ABI3BP: variants seen among roughly 807,000 people sequenced by gnomAD.
ABI3BP encodes the protein target of Nesh-SH3.
Under a neutral mutation model 268.6 loss-of-function variants are expected in ABI3BP, and 216 were observed. That is an observed-to-expected ratio of 0.80 (90% CI 0.72 to 0.90). The LOEUF is 0.90. Among genes scored for constraint, ABI3BP ranks in the 40% least tolerant of loss-of-function variants. ABI3BP has a pLI of 0.00. For synonymous variants in ABI3BP, 730 were observed against 730.0 expected, an observed-to-expected ratio of 1.00 and a Z score of 0.00; for missense variants, 2,090 against 2,182.4, an observed-to-expected ratio of 0.96 and a Z score of 0.84.
Position 100,941,835 on chromosome 3 carries a change from C to A in ABI3BP, c.80-15354G>T, listed in dbSNP as rs141786453. Among the ~76,000 whole-genome samples the A allele has an allele frequency of 6.6e-3, 1,008 of 152,246 alleles. 4 individuals carry two copies. The highest frequency in any genetic ancestry group is 0.041 in the Middle Eastern group (12 of 294). On this transcript the variant is annotated intron_variant, in intron 1 of 67. Coordinates refer to ENST00000471714, the MANE Select transcript of ABI3BP (RefSeq NM_001375547.2). ...ACAGTCTCTCATTTTCAAGAAGACACCTCATTCTGAGACATACACAGGTGT... is the reference window on the plus strand; with the variant it reads ...ACAGTCTCTCATTTTCAAGAAGACAACTCATTCTGAGACATACACAGGTGT...
chr3:100,832,099 AG>A (rs1421575929), intron 31 of ABI3BP, among the ~76,000 whole-genome samples, 164 bp downstream of exon 31: 3 of 152,308 alleles, frequency 2.0e-5, no homozygotes, highest in Admixed American at 2.0e-4. Flanking sequence ...ATCCCTATAA[AG>A]GAAGCAAGAG....
At chr3:100,945,649 T>A (rs1431046559) in intron 1 of ABI3BP, 1 of 450,846 alleles carries the variant, frequency 2.2e-6, no homozygotes, top group East Asian at 7.1e-5. Context: ...CCATCCATGC[T>A]GTATCACTAG....
chr3:100,881,669 C>T lies in ABI3BP; in HGVS notation c.696+3867G>A, dbSNP rs114008329. ...CAAAAAAAAGAGTGTCCTAGATTCT[C>T]TAAATGGAAAAAAAAAGCACAAGCA... On this transcript the variant is annotated intron_variant, in intron 6 of 67. Transcript: ENST00000471714. 8.3e-3 allele frequency among the ~76,000 whole-genome samples: 623 copies of T among 74,860 alleles called. 2 individuals carry two copies. Among genetic ancestry groups the T allele is most frequent in the African/African-American group, 0.02 (599 of 30,574 alleles). 49.1% of individuals were successfully genotyped at this position (74,860 alleles called of 152,430 possible).
At chr3:100,785,932 G>A (rs2097027661) in intron 57 of ABI3BP, among the ~76,000 whole-genome samples, 1 of 152,108 alleles carries the variant, frequency 6.6e-6, no homozygotes, top group African/African-American at 2.4e-5. Flanking sequence ...CTGTTACATG[G>A]TGAATTACAC....
At chr3:100,888,512 T>G (rs903114918) in intron 4 of ABI3BP, among the ~76,000 whole-genome samples, 1 of 152,102 alleles carries the variant, frequency 6.6e-6, no homozygotes, top group Non-Finnish European at 1.5e-5. Context: ...ACAGAACTAC[T>G]GAAGGTCAGA....
At chr3:100,916,279 C>G (rs2058591453) in intron 2 of ABI3BP, among the ~76,000 whole-genome samples, 1 of 152,212 alleles carries the variant, frequency 6.6e-6, no homozygotes, top group Non-Finnish European at 1.5e-5. Flanking sequence ...GTCACATTAG[C>G]TCTCAGATAG....
At chr3:100,975,536 C>T (rs1470241131) in intron 1 of ABI3BP, among the ~76,000 whole-genome samples, 1 of 152,066 alleles carries the variant, frequency 6.6e-6, no homozygotes, top group East Asian at 1.9e-4. Flanking sequence ...TGGGACGATG[C>T]TTTTAGACCT....
chr3:100,750,651 A>G (rs762453222), intron 67 of ABI3BP, 41 bp from the exon 68 acceptor site: 1 of 1,486,502 alleles, frequency 6.7e-7, no homozygotes, highest in South Asian at 1.1e-5. Flanking sequence ...CTGCTGTATT[A>G]TATTTTTGCC....
At chr3:100,857,371 T>C (rs1308804014) in intron 14 of ABI3BP, among the ~76,000 whole-genome samples, 2 of 152,222 alleles carry the variant, frequency 1.3e-5, no homozygotes, top group African/African-American at 2.4e-5. Context: ...TTATACATTA[T>C]TTCTAAGACG....
chr3:100,902,522 C>G, intron 3 of ABI3BP, 96 bp downstream of exon 3: 2 of 1,103,812 alleles, frequency 1.8e-6, no homozygotes, highest in South Asian at 1.5e-5. Flanking sequence ...ATTCTTAAAG[C>G]TTCTCAAGGC....
chr3:100,801,742 A>C (rs1435076169), intron 51 of ABI3BP, among the ~76,000 whole-genome samples: 1 of 152,136 alleles, frequency 6.6e-6, no homozygotes, highest in South Asian at 2.1e-4. Flanking sequence ...GAAAAATAAG[A>C]AGCTTTAGGA....
Position 100,821,108 on chromosome 3 carries a change from T to C in ABI3BP, c.2893A>G (p.Thr965Ala). The change falls in exon 39 of 68, where the codon ACT becomes GCT. Residue 965 changes from threonine (T) to alanine (A), a missense_variant. Transcript: ENST00000471714. Reference sequence around the variant, plus strand: ...AGTGTAACAGGTTTGAGCTCCGCAGTAGGAACTGATCAAAAGCATTAAAAT... The same window carrying C: ...AGTGTAACAGGTTTGAGCTCCGCAGCAGGAACTGATCAAAAGCATTAAAAT... ...PEAPESKPVP[T>A]AELKPVTLRT... 6.5e-7 allele frequency: 1 copy of C among 1,535,728 alleles called. No individual in the cohort carries two copies. The highest frequency in any genetic ancestry group is 8.7e-7 in the Non-Finnish European group (1 of 1,146,564).
At chr3:100,911,688 G>A in intron 2 of ABI3BP, 1 of 756,016 alleles carries the variant, frequency 1.3e-6, no homozygotes, top group Admixed American at 1.8e-5. Context: ...ATCCAGATTG[G>A]CAACCACTAA....
At chr3:100,929,624 G>T (rs1454294367) in intron 1 of ABI3BP, among the ~76,000 whole-genome samples, 2 of 151,978 alleles carry the variant, frequency 1.3e-5, no homozygotes, top group African/African-American at 4.8e-5. Flanking sequence ...TTTAGAGCCA[G>T]TAACTCAAAT....
At chr3:100,904,565 G>A (rs557174753) in intron 2 of ABI3BP, among the ~76,000 whole-genome samples, 3 of 152,290 alleles carry the variant, frequency 2.0e-5, no homozygotes, top group Non-Finnish European at 4.4e-5. Context: ...AAAAGGGTAA[G>A]GAGGGGGACA....
At chr3:100,862,581 G>T in intron 13 of ABI3BP, 196 bp from the exon 14 acceptor site, 1 of 582,988 alleles carries the variant, frequency 1.7e-6, no homozygotes. Context: ...GTCAGAGAGA[G>T]ACCAGAGTTT....
chr3:100,886,895 C>T (rs1185210838), intron 4 of ABI3BP, among the ~76,000 whole-genome samples: 1 of 151,752 alleles, frequency 6.6e-6, no homozygotes, highest in Non-Finnish European at 1.5e-5. Flanking sequence ...AAAGTTAATG[C>T]CAATTCAATA....
chr3:100,988,637 G>A (rs1478927212), intron 1 of ABI3BP, among the ~76,000 whole-genome samples: 1 of 151,804 alleles, frequency 6.6e-6, no homozygotes, highest in Non-Finnish European at 1.5e-5. Context: ...AAAATGCTTT[G>A]TGCTTCACCC....
chr3:100,861,848 TATC>T (rs1320246469), intron 14 of ABI3BP, among the ~76,000 whole-genome samples: 1 of 152,228 alleles, frequency 6.6e-6, no homozygotes, highest in Non-Finnish European at 1.5e-5. Context: ...CTCTCCTACA[TATC>T]ATGCTACACT....
Sources: gnomAD v4.1 joint callset for allele counts (sites outside exome capture counted in the v4.1 genomes callset) on GRCh38, gnomAD v4.1.1 for gene constraint, MANE v1.5 for transcripts, NCBI Gene and HGNC (gene_info 2026-07-23, HGNC 2026-07-21) for gene names.